The following MED30 variants were observed in gnomAD, a reference collection of about 807,000 sequenced individuals.
The protein encoded by MED30 is mediator of RNA polymerase II transcription subunit 30.
A neutral mutation model predicts 21.7 loss-of-function variants in MED30; 8 were observed. The ratio of observed to expected loss-of-function variants is 0.37; its 90% CI spans 0.22 to 0.67. MED30 has a LOEUF of 0.67. MED30 is among the 30% of genes least tolerant of loss of function. The pLI, the probability that MED30 is intolerant of heterozygous loss-of-function variation, is 0.58. For missense variants in MED30, 203 were observed against 228.2 expected (o/e 0.89, Z 0.71); for synonymous variants, 79 against 86.7 (o/e 0.91, Z 0.49).
At chr8:117,523,423 C>T (rs1429977062) in intron 1 of MED30, 1 of 1,563,478 alleles carries the variant, frequency 6.4e-7, no homozygotes, top group Non-Finnish European at 8.8e-7. Context: ...TCTTGCAGGT[C>T]GCTCACCCTC....
At chr8:117,531,400 T>G (rs771144408) in intron 3 of MED30, among the ~76,000 whole-genome samples, 1 of 151,998 alleles carries the variant, frequency 6.6e-6, no homozygotes, top group Non-Finnish European at 1.5e-5. Flanking sequence ...CTACCAGAGA[T>G]AGCACAGTGA....
chr8:117,528,024 T>C (rs1563789292), intron 1 of MED30, among the ~76,000 whole-genome samples: 1 of 151,928 alleles, frequency 6.6e-6, no homozygotes, highest in Admixed American at 6.6e-5. Context: ...TATCCATATC[T>C]AAGGCAGAGT....
rs1197507349 is a variant in MED30, at chr8:117,520,730, G to A, written c.-147G>A. 1.5e-5 allele frequency: 11 copies of A among 740,538 alleles called. No individual in the cohort carries two copies. The highest frequency in any genetic ancestry group is 2.1e-5 in the Non-Finnish European group (10 of 473,564). 45.9% of individuals were successfully genotyped at this position (740,538 alleles called of 1,614,324 possible). A position where few individuals can be genotyped will look rare whatever the true frequency, so the allele number is the denominator to read the frequency against. On this transcript the variant is annotated 5_prime_UTR_variant, in exon 1 of 4. Coordinates refer to ENST00000297347, the MANE Select transcript of MED30 (RefSeq NM_080651.4). ...TTTCTGACGTGTTACGTCACAGTGG[G>A]CGGAAGTCGCGGCCGCTGTTTTGAA...
intron 1 of MED30, chr8:117,523,316 C>A: frequency 7.2e-7 from 1 of 1,386,308 alleles, no homozygotes. Flanking sequence ...AACTGGAATT[C>A]GGTTGTTGAC....
chr8:117,528,602 A>ATT, intron 1 of MED30, 49 bp from the exon 2 acceptor site: 1 of 1,466,118 alleles, frequency 6.8e-7, no homozygotes, highest in South Asian at 1.4e-5. Context: ...GAAAATCTTG[A>ATT]TTTTTTTTTC....
intron 3 of MED30, among the ~76,000 whole-genome samples, chr8:117,531,899 G>A (rs905372882): frequency 5.9e-5 from 9 of 151,996 alleles, no homozygotes; most frequent in African/African-American, 2.2e-4. Context: ...GAGCTTGTTA[G>A]AATGGTCAAA....
rs1818952577 is a variant in MED30 at position 117,539,998 on chromosome 8, G to C, written c.*20G>C. ...AACTAAGCTGATATTTAAATTTCCT[G>C]CTTTACACATGTTATACCATTGTTT... is the stretch of plus-strand genomic sequence containing the variant. On this transcript the variant is annotated 3_prime_UTR_variant, in exon 4 of 4. Transcript: ENST00000297347. The C allele has an allele frequency of 7.1e-7, 1 of 1,416,444 alleles. No homozygotes were observed. Among genetic ancestry groups the C allele is most frequent in the South Asian group, 1.2e-5 (1 of 83,162 alleles). The allele number at this position is 1,416,444 out of a possible 1,614,324, so 87.7% of individuals were successfully genotyped here. A position where few individuals can be genotyped will look rare whatever the true frequency, so the allele number is the denominator to read the frequency against.
At chr8:117,521,203 C>A (rs1818611390) in intron 1 of MED30, 150 bp downstream of exon 1, 3 of 702,494 alleles carry the variant, frequency 4.3e-6, no homozygotes, top group African/African-American at 1.9e-5. Flanking sequence ...TCAAGAGTGT[C>A]CCCAAAAGTC....
At chr8:117,530,372 T>C (rs1586863194) in intron 2 of MED30, 1 of 155,522 alleles carries the variant, frequency 6.4e-6, no homozygotes, top group African/African-American at 2.4e-5. Flanking sequence ...ATTACTTTTA[T>C]AGTGTTTCAT....
At chr8:117,528,557 C>T in intron 1 of MED30, 94 bp from the exon 2 acceptor site, 1 of 1,148,020 alleles carries the variant, frequency 8.7e-7, no homozygotes, top group Non-Finnish European at 1.2e-6. Flanking sequence ...TATGCATTGC[C>T]TAAAAATTGT....
chr8:117,528,015 A>G (rs986163039), intron 1 of MED30, among the ~76,000 whole-genome samples: 2 of 151,922 alleles, frequency 1.3e-5, no homozygotes, highest in East Asian at 1.9e-4. Flanking sequence ...TTAAAAATAT[A>G]TCCATATCTA....
intron 1 of MED30, chr8:117,523,210 GTTTT>G: frequency 1.6e-6 from 1 of 628,406 alleles, no homozygotes; most frequent in Non-Finnish European, 2.6e-6. Context: ...TTTTTTTTAA[GTTTT>G]TTTTTTTTGT....
chr8:117,533,734 C>T (rs759285374), intron 3 of MED30, among the ~76,000 whole-genome samples: 4 of 152,158 alleles, frequency 2.6e-5, no homozygotes, highest in Non-Finnish European at 4.4e-5. Context: ...TGGTTCTCAT[C>T]CCACCCTCCC....
At position 117,523,845 on chromosome 8, in the gene MED30, A is replaced by G. The variant is rs1225760441; in HGVS notation, c.177+2792A>G. 2.7e-4 allele frequency: 127 copies of G among 478,966 alleles called. 1 individual carries two copies. In the South Asian group the frequency reaches 3.3e-3, roughly 12 times the overall value. 29.7% of individuals were successfully genotyped at this position (478,966 alleles called of 1,614,324 possible). A position where few individuals can be genotyped will look rare whatever the true frequency, so the allele number is the denominator to read the frequency against. On this transcript the variant is annotated intron_variant, in intron 1 of 3. Coordinates refer to ENST00000297347, the MANE Select transcript of MED30 (RefSeq NM_080651.4). ...AACATGGTGAAACCCCATCTCTACT[A>G]AAAATACAAAAATTAGCCGGGCGTG...
At chr8:117,523,863 C>T (rs1012025486) in intron 1 of MED30, 86 of 431,424 alleles carry the variant, frequency 2.0e-4, no homozygotes, top group South Asian at 1.4e-3. Flanking sequence ...AAAAATTAGC[C>T]GGGCGTGGTG....
intron 1 of MED30, among the ~76,000 whole-genome samples, chr8:117,526,904 G>A (rs1275005371): frequency 6.6e-6 from 1 of 151,882 alleles, no homozygotes; most frequent in African/African-American, 2.4e-5. Context: ...TTTATCAAGA[G>A]TTCTTTTACA....
Position 117,523,839 on chromosome 8 carries a change from T to G in MED30, c.177+2786T>G, listed in dbSNP as rs189952700. 1.9e-3 allele frequency: 950 copies of G among 506,358 alleles called. 9 individuals carry two copies. The highest frequency in any genetic ancestry group is 0.017 in the African/African-American group (867 of 51,726). The allele number at this position is 506,358 out of a possible 1,614,324, so 31.4% of individuals were successfully genotyped here. A position where few individuals can be genotyped will look rare whatever the true frequency, so the allele number is the denominator to read the frequency against. Reference sequence around the variant, plus strand: ...CTAGCCAACATGGTGAAACCCCATCTCTACTAAAAATACAAAAATTAGCCG... The same window carrying G: ...CTAGCCAACATGGTGAAACCCCATCGCTACTAAAAATACAAAAATTAGCCG... On this transcript the variant is annotated intron_variant, in intron 1 of 3. Transcript: ENST00000297347.
chr8:117,527,081 A>T (rs892791553), intron 1 of MED30, among the ~76,000 whole-genome samples: 4 of 151,984 alleles, frequency 2.6e-5, no homozygotes, highest in Non-Finnish European at 5.9e-5. Flanking sequence ...TGGGCAAAGT[A>T]TTAAACCCCA....
chr8:117,525,780 G>A (rs559928093), intron 1 of MED30, among the ~76,000 whole-genome samples: 2 of 151,948 alleles, frequency 1.3e-5, no homozygotes, highest in Admixed American at 6.6e-5. Context: ...TCTATTCCAC[G>A]TAGCTGCCTA....
Sources: allele counts gnomAD v4.1 joint callset (sites outside exome capture counted in the v4.1 genomes callset), GRCh38; gene constraint gnomAD v4.1.1; transcripts MANE v1.5; gene names NCBI Gene and HGNC (gene_info 2026-07-23, HGNC 2026-07-21).